DYM: variants seen among roughly 807,000 people sequenced by gnomAD.
The protein encoded by DYM is dyggve-Melchior-Clausen syndrome protein.
DYM carries 78 observed loss-of-function variants against 93.1 expected under a neutral mutation model. The ratio of observed to expected loss-of-function variants is 0.84; its 90% confidence interval spans 0.70 to 1.01. The LOEUF (loss-of-function observed/expected upper bound fraction) is 1.01. Among genes scored for constraint, DYM ranks in the 50% least tolerant of loss-of-function variants. The pLI is 0.00. For missense variants in DYM, 789 were observed against 845.0 expected (o/e 0.93, Z 0.82); for synonymous variants, 321 against 319.7 (o/e 1.00, Z -0.04).
At chr18:49,174,157 G>C (rs932379478) in intron 14 of DYM, among the ~76,000 whole-genome samples, 2 of 152,124 alleles carry the variant, frequency 1.3e-5, no homozygotes, top group African/African-American at 4.8e-5. Flanking sequence ...GGATGGTACT[G>C]ATTGATTATG....
intron 15 of DYM, among the ~76,000 whole-genome samples, chr18:49,121,457 G>A (rs2082372926): frequency 6.6e-6 from 1 of 152,116 alleles, no homozygotes; most frequent in Admixed American, 6.6e-5. Flanking sequence ...AAGGAAAAGA[G>A]AGAAAGAATG....
chr18:49,163,338 A>T (rs1016905623), intron 15 of DYM, among the ~76,000 whole-genome samples: 1 of 152,046 alleles, frequency 6.6e-6, no homozygotes, highest in Non-Finnish European at 1.5e-5. Flanking sequence ...ACAATGAAAT[A>T]ATTTATTTAT....
intron 5 of DYM, among the ~76,000 whole-genome samples, chr18:49,374,806 A>T (rs2067338095): frequency 6.6e-6 from 1 of 152,170 alleles, no homozygotes; most frequent in Non-Finnish European, 1.5e-5. Flanking sequence ...CTAAAAATAC[A>T]AAAGTAACCG....
At chr18:49,060,192 C>T (rs938532202) in intron 17 of DYM, among the ~76,000 whole-genome samples, 16 of 152,176 alleles carry the variant, frequency 1.1e-4, no homozygotes, top group African/African-American at 3.9e-4. Context: ...GGAGTCTCCA[C>T]AAACTGGGTG....
intron 14 of DYM, among the ~76,000 whole-genome samples, chr18:49,186,485 C>G (rs146381751): frequency 1.8e-4 from 27 of 152,182 alleles, no homozygotes; most frequent in Non-Finnish European, 3.5e-4. Context: ...TATGCCACCC[C>G]CTACGCTTGG....
chr18:49,175,566 A>G (rs2089282975), intron 14 of DYM, among the ~76,000 whole-genome samples: 1 of 152,196 alleles, frequency 6.6e-6, no homozygotes, highest in South Asian at 2.1e-4. Flanking sequence ...TCCATCCAGG[A>G]CAAGAGCTAA....
chr18:49,292,332 G>GCAGGCAGGCAGA (rs1568187328), intron 8 of DYM, among the ~76,000 whole-genome samples: 22 of 113,190 alleles, frequency 1.9e-4, no homozygotes, highest in African/African-American at 7.4e-4. Flanking sequence ...AGGCAGGCAG[G>GCAGGCAGGCAGA]CAGGCAGACA....
At chr18:49,449,212 C>G (rs1025287175) in intron 1 of DYM, among the ~76,000 whole-genome samples, 1 of 152,188 alleles carries the variant, frequency 6.6e-6, no homozygotes, top group Non-Finnish European at 1.5e-5. Context: ...TATATAGAAG[C>G]TTTCCAAAAT....
intron 13 of DYM, among the ~76,000 whole-genome samples, chr18:49,212,747 C>T (rs1282190156): frequency 6.6e-6 from 1 of 152,108 alleles, no homozygotes; most frequent in Non-Finnish European, 1.5e-5. Flanking sequence ...TCCATCCACC[C>T]TGGCCTTCCA....
At position 49,176,617 on chromosome 18, in the gene DYM, G is replaced by T. The variant is rs1025951647; in HGVS notation, c.1626-12830C>A. ...TTTTGCAGAGATGAGGTCTTGCCTTGTTGCCCGCACTGGTCTTGAACTTCT... is the reference window on the plus strand; with the variant it reads ...TTTTGCAGAGATGAGGTCTTGCCTTTTTGCCCGCACTGGTCTTGAACTTCT... On this transcript the variant is annotated intron_variant, in intron 14 of 17. Transcript: ENST00000675505. Among the ~76,000 whole-genome samples, 8 of 117,184 alleles carry T rather than the reference G, an allele frequency of 6.8e-5. No individual in the cohort carries two copies. In the East Asian group the frequency reaches 1.8e-3, roughly 26 times the overall value. The allele number at this position is 117,184 out of a possible 152,430, so 76.9% of individuals were successfully genotyped here.
rs1316394263 is a variant in DYM at position 49,459,057 on chromosome 18, T to C, written c.-54+1341A>G. Among the ~76,000 whole-genome samples, 5 of 152,204 alleles carry C rather than the reference T, an allele frequency of 3.3e-5. No homozygotes were observed. In the East Asian group the frequency reaches 9.6e-4, roughly 29 times the overall value. ...TTTATTATTTCACTGTGTGAACTTT[T>C]CTATGGTTAAAAGGTGCAAAAACAT... is the stretch of plus-strand genomic sequence containing the variant. On this transcript the variant is annotated intron_variant, in intron 1 of 17. Transcript: ENST00000675505.
intron 1 of DYM, among the ~76,000 whole-genome samples, chr18:49,432,824 G>A (rs2148485923): frequency 6.6e-6 from 1 of 152,106 alleles, no homozygotes; most frequent in Non-Finnish European, 1.5e-5. Flanking sequence ...GTGTTGCCCA[G>A]GCTGGTCTCG....
intron 17 of DYM, among the ~76,000 whole-genome samples, chr18:49,046,113 T>C (rs1435598394): frequency 4.8e-5 from 5 of 105,172 alleles, no homozygotes; most frequent in East Asian, 2.9e-4. Context: ...CACACCCACA[T>C]CCCCAAATAC....
chr18:49,106,879 G>A (rs1004070287), intron 16 of DYM, among the ~76,000 whole-genome samples: 5 of 152,084 alleles, frequency 3.3e-5, no homozygotes, highest in African/African-American at 1.2e-4. Flanking sequence ...TGACAATTAC[G>A]TGTCTTGGAG....
intron 13 of DYM, among the ~76,000 whole-genome samples, chr18:49,230,649 T>TTA (rs1338507933): frequency 6.6e-6 from 1 of 152,210 alleles, no homozygotes; most frequent in Non-Finnish European, 1.5e-5. Context: ...AAAAGGCTTA[T>TTA]TAGAGAAGAG....
intron 10 of DYM, among the ~76,000 whole-genome samples, chr18:49,280,281 A>G (rs544698932): frequency 6.6e-6 from 1 of 152,338 alleles, no homozygotes; most frequent in South Asian, 2.1e-4. Context: ...AGTGATGGAT[A>G]GTGTAATTTA....
At chr18:49,362,467 A>T (rs546199279) in intron 6 of DYM, among the ~76,000 whole-genome samples, 1 of 152,332 alleles carries the variant, frequency 6.6e-6, no homozygotes, top group South Asian at 2.1e-4. Flanking sequence ...TGAGAAGTCC[A>T]GGATGAAAAA....
chr18:49,273,337 T>C (rs763270951), intron 10 of DYM, among the ~76,000 whole-genome samples: 1 of 152,196 alleles, frequency 6.6e-6, no homozygotes, highest in Non-Finnish European at 1.5e-5. Flanking sequence ...CATTCTTGTC[T>C]TCGGAGTTCC....
At chr18:49,390,425 A>C (rs1043619230) in intron 3 of DYM, among the ~76,000 whole-genome samples, 5 of 151,632 alleles carry the variant, frequency 3.3e-5, no homozygotes, top group African/African-American at 1.2e-4. Flanking sequence ...GCAAGACTCT[A>C]TCTCTTTAAA....
Sources: gnomAD v4.1 joint callset for allele counts (sites outside exome capture counted in the v4.1 genomes callset) on GRCh38, gnomAD v4.1.1 for gene constraint, MANE v1.5 for transcripts, NCBI Gene and HGNC (gene_info 2026-07-23, HGNC 2026-07-21) for gene names.